Variants in GSG1L observed in about 807,000 individuals in gnomAD.
The protein encoded by GSG1L is germ cell-specific gene 1-like protein.
GSG1L carries 24 observed loss-of-function variants against 42.1 expected under a neutral mutation model. That is an observed-to-expected ratio of 0.57 (90% confidence interval 0.41 to 0.80). The LOEUF (loss-of-function observed/expected upper bound fraction) is 0.80, where lower values mean the gene tolerates loss of function less well. Ranked by LOEUF, GSG1L falls within the 30% of genes least tolerant of loss-of-function variation. The probability of loss-of-function intolerance (pLI) is 0.00; values close to 1 mark genes in which losing one functional copy is unlikely to be tolerated. For synonymous variants in GSG1L, 215 were observed against 203.5 expected, an observed-to-expected ratio of 1.06 and a Z score of -0.48; for missense variants, 445 against 472.2, an observed-to-expected ratio of 0.94 and a Z score of 0.53.
At chr16:27,818,985 C>G (rs2083124059) in intron 5 of GSG1L, among the ~76,000 whole-genome samples, 1 of 152,178 alleles carries the variant, frequency 6.6e-6, no homozygotes, top group South Asian at 2.1e-4. Flanking sequence ...CGCGGTGGCT[C>G]ACGCCTGTAA....
At chr16:27,931,343 C>T (rs567503162) in intron 2 of GSG1L, among the ~76,000 whole-genome samples, 89 of 152,314 alleles carry the variant, frequency 5.8e-4, no homozygotes, top group Non-Finnish European at 1.1e-3. Context: ...CGTGCTCAAA[C>T]GGCTGGCTTC....
chr16:27,835,530 C>T (rs2083313261), intron 4 of GSG1L, among the ~76,000 whole-genome samples: 1 of 151,878 alleles, frequency 6.6e-6, no homozygotes, highest in African/African-American at 2.4e-5. Context: ...TGGCTTAGGC[C>T]TGCCACCTAA....
intron 1 of GSG1L, among the ~76,000 whole-genome samples, chr16:28,002,586 A>T (rs1455844775): frequency 1.3e-5 from 2 of 151,558 alleles, no homozygotes; most frequent in Admixed American, 1.3e-4. Flanking sequence ...GCAGTGTACC[A>T]CTGCACTCTA....
intron 5 of GSG1L, among the ~76,000 whole-genome samples, chr16:27,820,153 A>G (rs749662761): frequency 6.6e-6 from 1 of 152,148 alleles, no homozygotes; most frequent in Non-Finnish European, 1.5e-5. Flanking sequence ...TCTTGGACAT[A>G]TTGATCTGAG....
chr16:27,912,757 A>G (rs2084406221), intron 2 of GSG1L, among the ~76,000 whole-genome samples: 1 of 152,202 alleles, frequency 6.6e-6, no homozygotes. Context: ...TCCAATTTAT[A>G]AAAGTTAAAG....
chr16:27,883,270 A>G (rs2083983256), intron 3 of GSG1L, among the ~76,000 whole-genome samples: 1 of 151,962 alleles, frequency 6.6e-6, no homozygotes, highest in Non-Finnish European at 1.5e-5. Flanking sequence ...TGGAGGGGAA[A>G]AAAAAAAGAA....
intron 5 of GSG1L, among the ~76,000 whole-genome samples, chr16:27,812,987 C>T (rs1273585033): frequency 1.3e-5 from 2 of 152,030 alleles, no homozygotes; most frequent in Admixed American, 6.6e-5. Context: ...ACCATGCTGC[C>T]CAGGCTGGTC....
Position 28,063,219 on chromosome 16 carries a change from GC to G in GSG1L, c.205del (p.Ala69ProfsTer124). The G allele has an allele frequency of 8.0e-7, 1 of 1,251,336 alleles. No individual in the cohort carries two copies. Among genetic ancestry groups the G allele is most frequent in the South Asian group, 3.0e-5 (1 of 33,038 alleles). 77.5% of individuals were successfully genotyped at this position (1,251,336 alleles called of 1,614,324 possible). On this transcript the variant is annotated frameshift_variant, in exon 1 of 7. Transcript: ENST00000447459. LOFTEE classifies it high-confidence loss of function. The surrounding 1 kb of genome is among the most constrained non-coding windows in gnomAD (Gnocchi z 5.8). ...ATANGTAAPAAAAAAATASGN... is the reference protein window; with the variant it reads ...ATANGTAAPAXAAAAATASGN... ...CGAGGCGGTGGCGGCGGCGGCGGCG[GC>G]GGCGGGGGCGGCGGTGCCGTTGGCC...
intron 4 of GSG1L, among the ~76,000 whole-genome samples, chr16:27,835,082 A>G (rs1390251573): frequency 6.6e-6 from 1 of 152,036 alleles, no homozygotes; most frequent in African/African-American, 2.4e-5. Context: ...TGGTTGTTCT[A>G]TTAATTGTTG....
At chr16:27,854,237 G>A (rs76295417) in intron 3 of GSG1L, among the ~76,000 whole-genome samples, 14,272 of 144,550 alleles carry the variant, frequency 0.099, 764 homozygotes, top group African/African-American at 0.14. Flanking sequence ...CTGGGGAATG[G>A]GGAGGGTGAA....
chr16:27,845,726 G>T (rs2083435728), intron 3 of GSG1L, among the ~76,000 whole-genome samples: 1 of 152,128 alleles, frequency 6.6e-6, no homozygotes, highest in Non-Finnish European at 1.5e-5. Context: ...TAGTGAGCTT[G>T]AGCATTTTTC....
chr16:27,898,861 C>G (rs1324542330), intron 2 of GSG1L, among the ~76,000 whole-genome samples: 1 of 152,088 alleles, frequency 6.6e-6, no homozygotes, highest in Non-Finnish European at 1.5e-5. Flanking sequence ...CATGGAAGAC[C>G]AGGGCCATAT....
In GSG1L at chr16:27,845,000, G is replaced by C; in HGVS notation, c.612C>G (p.Leu204=). ...AATGGGGTCTCCAGTCCTCAGGACC[G>C]AGGCTCACGGTGACCTGGAACACCT... ...YTQVFQVTVS[L]GPEDWRPHSW... is the part of the protein sequence containing the mutation. Residue 204 remains leucine, a synonymous_variant, in exon 4 of 7, where the codon CTC becomes CTG. Transcript: ENST00000447459. The C allele has an allele frequency of 6.2e-7, 1 of 1,613,884 alleles. No individual in the cohort carries two copies. Among genetic ancestry groups the C allele is most frequent in the Middle Eastern group, 1.6e-4 (1 of 6,062 alleles).
chr16:27,844,879 G>C, intron 4 of GSG1L, 71 bp downstream of exon 4: 1 of 588,628 alleles, frequency 1.7e-6, no homozygotes, highest in South Asian at 2.7e-5. Context: ...CCACTGGGCT[G>C]AGCTGCTGAA....
chr16:28,034,348 T>G (rs2086007952), intron 1 of GSG1L, among the ~76,000 whole-genome samples: 1 of 151,800 alleles, frequency 6.6e-6, no homozygotes, highest in South Asian at 2.1e-4. Flanking sequence ...GGCATTGGGA[T>G]TCAAAAATGA....
At chr16:27,922,932 C>T (rs2084543171) in intron 2 of GSG1L, among the ~76,000 whole-genome samples, 1 of 152,154 alleles carries the variant, frequency 6.6e-6, no homozygotes. Context: ...GGACCACAGG[C>T]ACCCGCCACC....
chr16:27,933,269 C>T (rs1406910910), intron 2 of GSG1L, among the ~76,000 whole-genome samples: 2 of 152,072 alleles, frequency 1.3e-5, no homozygotes, highest in Non-Finnish European at 2.9e-5. Context: ...TCTCTTCTCC[C>T]GAGTTTCTGT....
At chr16:27,925,868 T>C (rs1259119085) in intron 2 of GSG1L, among the ~76,000 whole-genome samples, 3 of 152,142 alleles carry the variant, frequency 2.0e-5, no homozygotes, top group African/African-American at 4.8e-5. Context: ...GAGTCCTGGG[T>C]TTCCAGGCAA....
chr16:27,981,946 C>T (rs934124623), intron 1 of GSG1L, among the ~76,000 whole-genome samples: 1 of 152,232 alleles, frequency 6.6e-6, no homozygotes, highest in Non-Finnish European at 1.5e-5. Context: ...GGGTCAGACT[C>T]TCTGGGTCTT....
Sources: allele counts gnomAD v4.1 joint callset (sites outside exome capture counted in the v4.1 genomes callset), GRCh38; gene constraint gnomAD v4.1.1; non-coding constraint Gnocchi (gnomAD v3.1); transcripts MANE v1.5; gene names NCBI Gene and HGNC (gene_info 2026-07-23, HGNC 2026-07-21).